TMPRSS12: variants seen among roughly 807,000 people sequenced by gnomAD.
TMPRSS12 encodes the protein transmembrane protease serine 12.
A neutral mutation model predicts 26.0 loss-of-function variants in TMPRSS12; 25 were observed. That is an observed-to-expected ratio of 0.96 (90% CI 0.70 to 1.34). TMPRSS12 has a LOEUF of 1.34. Among genes scored for constraint, TMPRSS12 ranks in the 40% most tolerant of loss-of-function variants. TMPRSS12 has a pLI of 0.00. For missense variants in TMPRSS12, 441 were observed against 440.1 expected, an observed-to-expected ratio of 1.00 and a Z score of -0.02; for synonymous variants, 150 against 161.7, an observed-to-expected ratio of 0.93 and a Z score of 0.55.
intron 3 of TMPRSS12, among the ~76,000 whole-genome samples, chr12:50,878,641 A>G (rs971740241): frequency 1.5e-4 from 22 of 151,052 alleles, no homozygotes; most frequent in East Asian, 1.9e-4. Flanking sequence ...ATGGAGGGGG[A>G]AAAAAAACCT....
At chr12:50,868,507 A>G (rs556290075) in intron 3 of TMPRSS12, among the ~76,000 whole-genome samples, 1 of 152,210 alleles carries the variant, frequency 6.6e-6, no homozygotes, top group Admixed American at 6.6e-5. Flanking sequence ...AACAATTACT[A>G]ATAGACCTAA....
chr12:50,852,872 A>G (rs1447458960), intron 2 of TMPRSS12, among the ~76,000 whole-genome samples: 1 of 152,228 alleles, frequency 6.6e-6, no homozygotes, highest in East Asian at 1.9e-4. Flanking sequence ...TAACCACACA[A>G]TAATAGTGGG....
intron 2 of TMPRSS12, among the ~76,000 whole-genome samples, chr12:50,856,077 GA>G (rs1219865419): frequency 1.3e-5 from 2 of 152,140 alleles, no homozygotes; most frequent in African/African-American, 4.8e-5. Context: ...GAAGTGGATT[GA>G]AAAACTAACT....
chr12:50,854,614 C>T (rs1937858537), intron 2 of TMPRSS12, among the ~76,000 whole-genome samples: 1 of 151,944 alleles, frequency 6.6e-6, no homozygotes, highest in Admixed American at 6.6e-5. Flanking sequence ...AGCAAAACTT[C>T]AGGATAAAAA....
At chr12:50,845,564 TCTGATA>T (rs1431288188) in intron 2 of TMPRSS12, among the ~76,000 whole-genome samples, 2 of 152,240 alleles carry the variant, frequency 1.3e-5, no homozygotes, top group Non-Finnish European at 2.9e-5. Context: ...TTTACTTTCC[TCTGATA>T]CTATTTCTTC....
intron 2 of TMPRSS12, among the ~76,000 whole-genome samples, chr12:50,847,447 T>C (rs1296123896): frequency 1.3e-5 from 2 of 152,102 alleles, no homozygotes; most frequent in African/African-American, 2.4e-5. Flanking sequence ...CTTTGGGTGG[T>C]TCTGTCATCC....
intron 2 of TMPRSS12, among the ~76,000 whole-genome samples, chr12:50,850,333 C>T (rs1036265711): frequency 1.1e-4 from 17 of 152,126 alleles, no homozygotes; most frequent in African/African-American, 4.1e-4. Flanking sequence ...AATACCAGCA[C>T]TTTGGGAGGC....
At chr12:50,879,636 G>T (rs1346754407) in intron 3 of TMPRSS12, among the ~76,000 whole-genome samples, 1 of 152,196 alleles carries the variant, frequency 6.6e-6, no homozygotes, top group Non-Finnish European at 1.5e-5. Context: ...AAGTAGTCAT[G>T]TGTAAATTGT....
intron 3 of TMPRSS12, among the ~76,000 whole-genome samples, chr12:50,867,948 C>T (rs1312237403): frequency 6.6e-6 from 1 of 152,142 alleles, no homozygotes; most frequent in African/African-American, 2.4e-5. Flanking sequence ...ACTAACAAGC[C>T]ACCACTACAA....
intron 3 of TMPRSS12, among the ~76,000 whole-genome samples, chr12:50,869,013 G>T (rs1188572637): frequency 1.3e-5 from 2 of 151,818 alleles, no homozygotes; most frequent in Non-Finnish European, 2.9e-5. Context: ...TAAGAGGAAA[G>T]TTCATAACCC....
intron 3 of TMPRSS12, among the ~76,000 whole-genome samples, chr12:50,871,582 A>C (rs1252492139): frequency 6.6e-6 from 1 of 152,214 alleles, no homozygotes; most frequent in Non-Finnish European, 1.5e-5. Flanking sequence ...AATACAAACA[A>C]AGATAAATAG....
At chr12:50,859,159 A>T in intron 3 of TMPRSS12, 106 bp downstream of exon 3, 1 of 1,034,760 alleles carries the variant, frequency 9.7e-7, no homozygotes, top group Non-Finnish European at 1.4e-6. Context: ...ATTTAAGTTA[A>T]TGACAGACCA....
At chr12:50,853,518 A>C (rs1415948396) in intron 2 of TMPRSS12, among the ~76,000 whole-genome samples, 1 of 151,154 alleles carries the variant, frequency 6.6e-6, no homozygotes, top group African/African-American at 2.4e-5. Context: ...CATACAAAAG[A>C]TCAACAAAAC....
chr12:50,851,395 A>G (rs1285421231), intron 2 of TMPRSS12, among the ~76,000 whole-genome samples: 1 of 152,218 alleles, frequency 6.6e-6, no homozygotes, highest in African/African-American at 2.4e-5. Context: ...AAAAGAACTC[A>G]CAAGAATTTA....
At chr12:50,847,943 A>C (rs1361034149) in intron 2 of TMPRSS12, 1 of 151,916 alleles carries the variant, frequency 6.6e-6, no homozygotes, top group Non-Finnish European at 1.5e-5. Context: ...CAACTAGATC[A>C]GCGTGAGGGA....
chr12:50,874,811 A>G (rs1333810111), intron 3 of TMPRSS12, among the ~76,000 whole-genome samples: 1 of 151,340 alleles, frequency 6.6e-6, no homozygotes, highest in Admixed American at 6.6e-5. Context: ...ATGTCATTTA[A>G]AATAGCCACA....
intron 3 of TMPRSS12, among the ~76,000 whole-genome samples, chr12:50,877,810 A>G (rs1159308742): frequency 1.3e-5 from 2 of 152,110 alleles, no homozygotes; most frequent in Admixed American, 6.6e-5. Flanking sequence ...GGGTTTCACT[A>G]TGTTGGCCAG....
At chr12:50,870,902 C>T (rs1254943534) in intron 3 of TMPRSS12, among the ~76,000 whole-genome samples, 2 of 149,568 alleles carry the variant, frequency 1.3e-5, no homozygotes, top group East Asian at 3.9e-4. Flanking sequence ...AGGCAAAAGA[C>T]CTCTACAGGG....
At position 50,884,635 on chromosome 12, in the gene TMPRSS12, GC is replaced by G. The variant is rs112498225; in HGVS notation, c.653-609del. Among the ~76,000 whole-genome samples, 307 of 152,202 alleles carry G rather than the reference GC, an allele frequency of 2.0e-3. 9 individuals carry two copies. The highest frequency in any genetic ancestry group is 7.0e-3 in the African/African-American group (291 of 41,526). On this transcript the variant is annotated intron_variant, in intron 3 of 4. Transcript: ENST00000398458. ...ACCTGTAATCCTAGCACTTTGGGAG[GC>G]CGAGATGAGTGGATCACTTGAAGTC...
Sources: allele counts gnomAD v4.1 joint callset (sites outside exome capture counted in the v4.1 genomes callset), GRCh38; gene constraint gnomAD v4.1.1; transcripts MANE v1.5; gene names NCBI Gene and HGNC (gene_info 2026-07-23, HGNC 2026-07-21).